Variants in PLD5 observed in about 807,000 individuals in gnomAD.
The protein encoded by PLD5 is phospholipase D family member 5, also known as inactive phospholipase D5.
In PLD5, 36 loss-of-function variants were observed where a neutral mutation model predicts 61.1. The ratio of observed to expected loss-of-function variants is 0.59; its 90% CI spans 0.45 to 0.78. The LOEUF (loss-of-function observed/expected upper bound fraction) is 0.78. Among genes scored for constraint, PLD5 ranks in the 30% least tolerant of loss-of-function variants. The pLI, the probability that PLD5 is intolerant of heterozygous loss-of-function variation, is 0.00. For synonymous variants in PLD5, 243 were observed against 242.8 expected, an observed-to-expected ratio of 1.00 and a Z score of -0.01; for missense variants, 515 against 644.4, an observed-to-expected ratio of 0.80 and a Z score of 2.17.
At chr1:242,344,529 A>T (rs1660021034) in intron 2 of PLD5, among the ~76,000 whole-genome samples, 1 of 152,238 alleles carries the variant, frequency 6.6e-6, no homozygotes, top group Admixed American at 6.5e-5. Context: ...TGAATAGAGA[A>T]GAGGAATTTC....
At chr1:242,510,347 A>C (rs1315187593) in intron 1 of PLD5, among the ~76,000 whole-genome samples, 3 of 152,194 alleles carry the variant, frequency 2.0e-5, no homozygotes, top group Non-Finnish European at 2.9e-5. Context: ...GAAAGAAAAG[A>C]ATAACAATAT....
At chr1:242,208,080 G>A (rs1256994131) in intron 5 of PLD5, among the ~76,000 whole-genome samples, 1 of 147,204 alleles carries the variant, frequency 6.8e-6, no homozygotes, top group Admixed American at 7.1e-5. Flanking sequence ...GGTGTGCAGT[G>A]GTGTAATCAT....
At chr1:242,470,358 GAAA>G (rs1558589732) in intron 1 of PLD5, among the ~76,000 whole-genome samples, 1 of 43,310 alleles carries the variant, frequency 2.3e-5, no homozygotes, top group East Asian at 4.1e-4. Context: ...AAAAAAAAAA[GAAA>G]GAAAGAAAGA....
intron 1 of PLD5, among the ~76,000 whole-genome samples, chr1:242,454,299 T>C (rs1666878158): frequency 6.8e-6 from 1 of 147,386 alleles, no homozygotes; most frequent in African/African-American, 2.5e-5. Context: ...TGCATTGCAC[T>C]CTAGCCTGGG....
intron 2 of PLD5, among the ~76,000 whole-genome samples, chr1:242,312,982 A>T (rs1014147935): frequency 6.6e-6 from 1 of 152,210 alleles, no homozygotes; most frequent in African/African-American, 2.4e-5. Flanking sequence ...CTAGTCTGCC[A>T]TCTTCCTGAT....
At chr1:242,472,182 G>C (rs1172801704) in intron 1 of PLD5, among the ~76,000 whole-genome samples, 1 of 152,208 alleles carries the variant, frequency 6.6e-6, no homozygotes, top group East Asian at 1.9e-4. Flanking sequence ...AATGGAGTCT[G>C]CACTCATTTC....
intron 1 of PLD5, among the ~76,000 whole-genome samples, chr1:242,487,568 C>A (rs1029221018): frequency 1.3e-5 from 2 of 152,116 alleles, no homozygotes; most frequent in Non-Finnish European, 2.9e-5. Flanking sequence ...TTAAACATCT[C>A]TGTTTTGTTA....
intron 6 of PLD5, among the ~76,000 whole-genome samples, chr1:242,115,038 C>T (rs1395303216): frequency 2.0e-5 from 3 of 151,812 alleles, no homozygotes; most frequent in East Asian, 1.9e-4. Context: ...ATTAGCCAGG[C>T]GTGGTGGTGT....
chr1:242,320,318 AT>A (rs1426360191), intron 2 of PLD5, among the ~76,000 whole-genome samples: 1 of 152,218 alleles, frequency 6.6e-6, no homozygotes, highest in African/African-American at 2.4e-5. Flanking sequence ...TTCTGACCAC[AT>A]TTTAAATATA....
chr1:242,098,163 T>C (rs1660397038), intron 9 of PLD5, among the ~76,000 whole-genome samples: 1 of 152,220 alleles, frequency 6.6e-6, no homozygotes, highest in Admixed American at 6.5e-5. Flanking sequence ...GTTTTCCAAC[T>C]TGGTTCCATT....
intron 5 of PLD5, among the ~76,000 whole-genome samples, chr1:242,213,731 C>T (rs904256081): frequency 6.6e-6 from 1 of 150,848 alleles, no homozygotes; most frequent in East Asian, 1.9e-4. Flanking sequence ...ATAGAACAAG[C>T]CACCTCTCAG....
chr1:242,379,452 A>G (rs1662159458), intron 1 of PLD5, among the ~76,000 whole-genome samples: 1 of 152,160 alleles, frequency 6.6e-6, no homozygotes, highest in Admixed American at 6.6e-5. Flanking sequence ...AGCCATTGCT[A>G]ACATATCAGA....
chr1:242,477,862 A>G (rs1667646943), intron 1 of PLD5, among the ~76,000 whole-genome samples: 1 of 152,216 alleles, frequency 6.6e-6, no homozygotes, highest in African/African-American at 2.4e-5. Context: ...CTGTTCCAGG[A>G]GCATAAGAGC....
chr1:242,434,739 A>C (rs1321441334), intron 1 of PLD5, among the ~76,000 whole-genome samples: 1 of 151,946 alleles, frequency 6.6e-6, no homozygotes, highest in Non-Finnish European at 1.5e-5. Flanking sequence ...TCAGCCTCCC[A>C]AGTAGCTGGG....
intron 9 of PLD5, among the ~76,000 whole-genome samples, chr1:242,090,741 C>A (rs1659758908): frequency 6.6e-6 from 1 of 152,180 alleles, no homozygotes; most frequent in African/African-American, 2.4e-5. Flanking sequence ...CAAAGTTCCA[C>A]AAATTGGGTG....
chr1:242,401,031 C>A (rs2149278167), intron 1 of PLD5, among the ~76,000 whole-genome samples: 1 of 152,290 alleles, frequency 6.6e-6, no homozygotes, highest in Non-Finnish European at 1.5e-5. Flanking sequence ...ACTCCAGGGT[C>A]TAATAAGCAT....
chr1:242,463,318 G>T (rs1354468915), intron 1 of PLD5, among the ~76,000 whole-genome samples: 1 of 152,150 alleles, frequency 6.6e-6, no homozygotes, highest in African/African-American at 2.4e-5. Flanking sequence ...TGTTGCACTT[G>T]CTTGTCATCC....
chr1:242,139,373 C>T (rs1663990579), intron 5 of PLD5, among the ~76,000 whole-genome samples: 1 of 152,114 alleles, frequency 6.6e-6, no homozygotes, highest in African/African-American at 2.4e-5. Context: ...TGCTTTTCCT[C>T]CTTCCTGGTC....
intron 1 of PLD5, among the ~76,000 whole-genome samples, chr1:242,431,430 T>C (rs1665714469): frequency 1.3e-5 from 2 of 152,218 alleles, no homozygotes; most frequent in African/African-American, 2.4e-5. Flanking sequence ...ACATGATAGA[T>C]TTAATTACTA....
Sources: allele counts gnomAD v4.1 joint callset (sites outside exome capture counted in the v4.1 genomes callset), GRCh38; gene constraint gnomAD v4.1.1; transcripts MANE v1.5; gene names NCBI Gene and HGNC (gene_info 2026-07-23, HGNC 2026-07-21).